Variants in SLC38A8 observed in about 807,000 individuals in gnomAD.
SLC38A8 encodes solute carrier family 38 member 8.
Under a neutral mutation model 46.0 loss-of-function variants are expected in SLC38A8, and 65 were observed. The ratio of observed to expected loss-of-function variants is 1.41; its 90% CI spans 1.16 to 1.74. The LOEUF (loss-of-function observed/expected upper bound fraction) is 1.74. Ranked by LOEUF, SLC38A8 falls within the 40% of genes most tolerant of loss-of-function variation. SLC38A8 has a pLI of 0.00. For missense variants in SLC38A8, 998 were observed against 567.9 expected, an observed-to-expected ratio of 1.76 and a Z score of -7.70; for synonymous variants, 447 against 243.7, an observed-to-expected ratio of 1.83 and a Z score of -7.77.
At chr16:84,042,440 A>C in intron 1 of SLC38A8, 111 bp downstream of exon 1, 3 of 300,512 alleles carry the variant, frequency 1.0e-5, no homozygotes, top group East Asian at 6.1e-5. Context: ...TCTTCTCCCA[A>C]ACCCCCAACC....
chr16:84,031,718 T>A (rs1175047079), intron 5 of SLC38A8, 149 bp downstream of exon 5: 1 of 685,140 alleles, frequency 1.5e-6, no homozygotes, highest in Non-Finnish European at 2.5e-6. Context: ...CTCCCTTGCC[T>A]TCACCGCATC....
intron 9 of SLC38A8, among the ~76,000 whole-genome samples, chr16:84,015,893 G>C (rs2085019273): frequency 1.3e-5 from 2 of 152,170 alleles, no homozygotes; most frequent in Admixed American, 1.3e-4. Context: ...TTAGTAGGCT[G>C]GTCTCGACCT....
chr16:84,041,888 AGAAGCAATGC>A, intron 2 of SLC38A8, 71 bp downstream of exon 2: 1 of 1,305,080 alleles, frequency 7.7e-7, no homozygotes, highest in African/African-American at 1.5e-5. Flanking sequence ...GCAACTCCGC[AGAAGCAATGC>A]GAGGAACCCC....
At chr16:84,016,136 G>A (rs554582600) in intron 9 of SLC38A8, among the ~76,000 whole-genome samples, 2 of 151,872 alleles carry the variant, frequency 1.3e-5, no homozygotes, top group Admixed American at 6.6e-5. Flanking sequence ...GGGCGGGGGG[G>A]GACCCCCACT....
At chr16:84,027,656 C>T (rs1376060837) in intron 6 of SLC38A8, among the ~76,000 whole-genome samples, 6 of 152,162 alleles carry the variant, frequency 3.9e-5, no homozygotes, top group Admixed American at 3.9e-4. Flanking sequence ...CCTGGCAGCC[C>T]CCACCTCTAG....
intron 3 of SLC38A8, among the ~76,000 whole-genome samples, chr16:84,036,118 C>T (rs1163598496): frequency 3.9e-5 from 6 of 152,178 alleles, no homozygotes; most frequent in Admixed American, 1.3e-4. Context: ...AGGTCGAAAC[C>T]GTGAAGGAAT....
chr16:84,028,157 G>A (rs932466259), intron 6 of SLC38A8, among the ~76,000 whole-genome samples: 1 of 151,934 alleles, frequency 6.6e-6, no homozygotes, highest in Non-Finnish European at 1.5e-5. Context: ...CTACAAAGCT[G>A]AGATCCGGTG....
intron 9 of SLC38A8, among the ~76,000 whole-genome samples, chr16:84,013,492 A>G (rs906987873): frequency 4.0e-5 from 5 of 124,744 alleles, no homozygotes; most frequent in Non-Finnish European, 7.8e-5. Context: ...GTGCAGTGGC[A>G]CCATCTCGGC....
rs1288310782 is a variant in SLC38A8, at chr16:84,028,688, G to GCC, written c.690+804_690+805dup. On this transcript the variant is annotated intron_variant, in intron 6 of 10. Coordinates refer to ENST00000299709, the MANE Select transcript of SLC38A8 (RefSeq NM_001080442.3). ...TGAGCCCAGGCCCGCCACCTCCCCT[G>GCC]CCCCCCCTGCCCCGCCACCTTCCCC... 2.5e-5 allele frequency among the ~76,000 whole-genome samples: 2 copies of GCC among 80,688 alleles called. 1 individual carries two copies. The highest frequency in any genetic ancestry group is 8.0e-4 in the South Asian group (2 of 2,486). The allele number at this position is 80,688 out of a possible 152,430, so 52.9% of individuals were successfully genotyped here. A position where few individuals can be genotyped will look rare whatever the true frequency, so the allele number is the denominator to read the frequency against.
chr16:84,025,930 T>C lies in SLC38A8; in HGVS notation c.691-3041A>G, dbSNP rs555815756. Among the ~76,000 whole-genome samples, 224 of 152,314 alleles carry C rather than the reference T, an allele frequency of 1.5e-3. 2 individuals carry two copies. The highest frequency in any genetic ancestry group is 5.1e-3 in the African/African-American group (212 of 41,592). On this transcript the variant is annotated intron_variant, in intron 6 of 10. Transcript: ENST00000299709. ...GGGGGGACGCAACCCCTCTGCCTCC[T>C]GCACCCCCGCAGCACTTGTGGGGCT...
At chr16:84,018,248 T>C (rs1346527127) in intron 7 of SLC38A8, among the ~76,000 whole-genome samples, 1 of 145,400 alleles carries the variant, frequency 6.9e-6, no homozygotes, top group Non-Finnish European at 1.5e-5. Flanking sequence ...TTTTTTTTTT[T>C]TTGAGACAGA....
chr16:84,038,741 G>A lies in SLC38A8; in HGVS notation c.190-1841C>T, dbSNP rs189017427. ...CACTTCTGTCTCCCTCCCATCCCCAGAAGAAACCACCGGTCTAGTATTTTC... is the reference window on the plus strand; with the variant it reads ...CACTTCTGTCTCCCTCCCATCCCCAAAAGAAACCACCGGTCTAGTATTTTC... On this transcript the variant is annotated intron_variant, in intron 2 of 10. Coordinates refer to ENST00000299709, the MANE Select transcript of SLC38A8 (RefSeq NM_001080442.3). Among the ~76,000 whole-genome samples, 6 of 152,288 alleles carry A rather than the reference G, an allele frequency of 3.9e-5. No homozygotes were observed. The South Asian group carries it at 6.2e-4, about 16-fold the overall frequency.
intron 10 of SLC38A8, among the ~76,000 whole-genome samples, chr16:84,010,663 G>C (rs998655478): frequency 1.3e-5 from 2 of 152,168 alleles, no homozygotes; most frequent in African/African-American, 4.8e-5. Flanking sequence ...AGAATTGCTT[G>C]AACCCGGGAG....
intron 1 of SLC38A8, 66 bp from the exon 2 acceptor site, chr16:84,042,225 T>C (rs1306253881): frequency 1.3e-6 from 2 of 1,500,700 alleles, no homozygotes; most frequent in African/African-American, 1.4e-5. Flanking sequence ...GTTCTCGATA[T>C]CCTTATTTGT....
At chr16:84,037,225 C>T (rs187834598) in intron 2 of SLC38A8, among the ~76,000 whole-genome samples, 3 of 152,326 alleles carry the variant, frequency 2.0e-5, no homozygotes, top group African/African-American at 7.2e-5. Flanking sequence ...CTCCTAAAAT[C>T]GCCTGGGCTG....
intron 7 of SLC38A8, among the ~76,000 whole-genome samples, chr16:84,021,438 G>C (rs1412003098): frequency 1.3e-5 from 2 of 152,206 alleles, no homozygotes; most frequent in South Asian, 2.1e-4. Flanking sequence ...TTATTTGCCA[G>C]CTTCTAACAG....
chr16:84,016,553 T>A lies in SLC38A8; in HGVS notation c.1128A>T (p.Gly376=). 6.2e-7 allele frequency: 1 copy of A among 1,614,074 alleles called. No individual in the cohort carries two copies. The highest frequency in any genetic ancestry group is 8.5e-7 in the Non-Finnish European group (1 of 1,180,012). The change falls in exon 9 of 11, where the codon GGA becomes GGT. Residue 376 remains glycine, a synonymous_variant. Transcript: ENST00000299709. ...PDLSEIVSII[G]GISSFFIFIF... is the part of the protein sequence containing the mutation. ...TGAAGATGAAGAAGGAACTGATGCC[T>A]CCGATGATGCTGACGATCTCGCTGA... is the stretch of plus-strand genomic sequence containing the variant.
chr16:84,013,566 G>C (rs1382271619), intron 9 of SLC38A8, among the ~76,000 whole-genome samples: 1 of 151,448 alleles, frequency 6.6e-6, no homozygotes, highest in South Asian at 2.1e-4. Flanking sequence ...GAGTAGCTGG[G>C]ACTACAGGTG....
At chr16:84,015,448 C>T (rs1215941835) in intron 9 of SLC38A8, among the ~76,000 whole-genome samples, 1 of 152,028 alleles carries the variant, frequency 6.6e-6, no homozygotes. Context: ...CCTTGAGCCA[C>T]GTGACTTTCA....
Sources: gnomAD v4.1 joint callset for allele counts (sites outside exome capture counted in the v4.1 genomes callset) on GRCh38, gnomAD v4.1.1 for gene constraint, MANE v1.5 for transcripts, NCBI Gene and HGNC (gene_info 2026-07-23, HGNC 2026-07-21) for gene names.